ASCC1: variants seen among roughly 807,000 people sequenced by gnomAD.
ASCC1 encodes activating signal cointegrator 1 complex subunit 1, also known as ASC-1 complex subunit P50.
In ASCC1, 35 loss-of-function variants were observed where a neutral mutation model predicts 46.6. The observed-to-expected ratio is 0.75, with a 90% CI of 0.57 to 0.99. ASCC1 has a LOEUF of 0.99. Among genes scored for constraint, ASCC1 ranks in the 50% least tolerant of loss-of-function variants. The pLI is 0.00. For missense variants in ASCC1, 376 were observed against 428.7 expected (o/e 0.88, Z 1.09); for synonymous variants, 143 against 146.6 (o/e 0.98, Z 0.18).
At chr10:72,168,605 T>C (rs1195185180) in intron 5 of ASCC1, among the ~76,000 whole-genome samples, 2 of 152,236 alleles carry the variant, frequency 1.3e-5, no homozygotes, top group African/African-American at 4.8e-5. Context: ...CAAATTCATA[T>C]GCTGAAGCCC....
intron 6 of ASCC1, 71 bp downstream of exon 6, chr10:72,161,467 A>T: frequency 1.3e-6 from 2 of 1,598,262 alleles, no homozygotes; most frequent in Non-Finnish European, 1.7e-6. Context: ...TGGTTCAAAA[A>T]CAAGTCTGTA....
At chr10:72,172,849 A>ATTTTTATATTATATATATTATATATT (rs1851356273) in intron 5 of ASCC1, among the ~76,000 whole-genome samples, 1 of 127,948 alleles carries the variant, frequency 7.8e-6, no homozygotes, top group East Asian at 2.1e-4. Flanking sequence ...TATTATATAT[A>ATTTTTATATTATATATATTATATATT]ATATTTTTAT....
At chr10:72,168,826 G>A (rs1209065326) in intron 5 of ASCC1, among the ~76,000 whole-genome samples, 1 of 152,190 alleles carries the variant, frequency 6.6e-6, no homozygotes, top group Non-Finnish European at 1.5e-5. Flanking sequence ...CCAGGAAGAG[G>A]CTATAGCAGA....
chr10:72,112,738 G>A (rs1204584431), intron 9 of ASCC1, among the ~76,000 whole-genome samples: 1 of 151,824 alleles, frequency 6.6e-6, no homozygotes, highest in East Asian at 1.9e-4. Context: ...AATTTGCCAG[G>A]CATGGTGGCA....
intron 9 of ASCC1, among the ~76,000 whole-genome samples, chr10:72,112,816 C>T (rs11818980): frequency 0.58 from 84,365 of 146,090 alleles, 26,586 homozygotes; most frequent in African/African-American, 0.86. Context: ...GTGGTGGAGG[C>T]TGCAGTGAGC....
At chr10:72,107,850 G>T (rs1465696300) in intron 9 of ASCC1, among the ~76,000 whole-genome samples, 1 of 152,170 alleles carries the variant, frequency 6.6e-6, no homozygotes, top group Non-Finnish European at 1.5e-5. Context: ...AACCTGGGCA[G>T]CTGTAACTGT....
chr10:72,129,116 G>C (rs894525894), intron 8 of ASCC1, among the ~76,000 whole-genome samples: 3 of 152,194 alleles, frequency 2.0e-5, no homozygotes, highest in Non-Finnish European at 1.5e-5. Flanking sequence ...ATACATTTCA[G>C]CTAGCCCACT....
At chr10:72,126,970 T>C (rs139474680) in intron 9 of ASCC1, among the ~76,000 whole-genome samples, 10 of 152,312 alleles carry the variant, frequency 6.6e-5, no homozygotes, top group African/African-American at 1.7e-4. Context: ...CACTGCCCTA[T>C]TGGGCTCCAT....
At chr10:72,138,171 T>C (rs569508708) in intron 7 of ASCC1, among the ~76,000 whole-genome samples, 1 of 152,308 alleles carries the variant, frequency 6.6e-6, no homozygotes, top group Admixed American at 6.5e-5. Context: ...GGCTGAACCA[T>C]ATATTTCTAA....
At chr10:72,137,527 CAAAAAAA>C (rs397956947) in intron 7 of ASCC1, among the ~76,000 whole-genome samples, 24 of 76,118 alleles carry the variant, frequency 3.2e-4, no homozygotes, top group African/African-American at 1.0e-3. Context: ...GACTCCATCT[CAAAAAAA>C]AAAAAAAAAA....
chr10:72,176,721 G>A (rs1272937579), intron 5 of ASCC1, among the ~76,000 whole-genome samples: 2 of 152,088 alleles, frequency 1.3e-5, no homozygotes, highest in African/African-American at 4.8e-5. Flanking sequence ...CAACTTGGGT[G>A]CCATGTCATT....
intron 7 of ASCC1, among the ~76,000 whole-genome samples, chr10:72,141,036 T>TAGATAGATAG (rs1773095836): frequency 6.9e-6 from 1 of 144,172 alleles, no homozygotes; most frequent in Non-Finnish European, 1.5e-5. Flanking sequence ...TCAAATTGTT[T>TAGATAGATAG]ATAGATAGAT....
At chr10:72,154,493 G>GTT (rs375316111) in intron 6 of ASCC1, among the ~76,000 whole-genome samples, 36 of 139,864 alleles carry the variant, frequency 2.6e-4, no homozygotes, top group African/African-American at 3.9e-4. Flanking sequence ...TATGCATAGG[G>GTT]TTTTTTTTTT....
In ASCC1 at chr10:72,161,564, T is replaced by C. The variant is rs780807738; in HGVS notation, c.600A>G (p.Leu200=). The change falls in exon 6 of 10, where the codon CTA becomes CTG. Residue 200 remains leucine (L), a synonymous_variant. Coordinates refer to ENST00000672957, the MANE Select transcript of ASCC1 (RefSeq NM_001198800.3). The part of the protein sequence containing the change: ...EEEIQQTCEM[L]QQCKEEFIND... ...TAATGAATTCCTCTTTACACTGCTG[T>C]AGCATCTCACATGTCTGCTGGATCT... 1 of 1,614,230 alleles carries C rather than the reference T, an allele frequency of 6.2e-7. No individual in the cohort carries two copies. Among genetic ancestry groups the C allele is most frequent in the East Asian group, 2.2e-5 (1 of 44,878 alleles).
At chr10:72,169,984 G>T (rs1850856052) in intron 5 of ASCC1, among the ~76,000 whole-genome samples, 1 of 152,152 alleles carries the variant, frequency 6.6e-6, no homozygotes, top group South Asian at 2.1e-4. Flanking sequence ...GCAGGGCATG[G>T]TATCACGTGC....
intron 9 of ASCC1, among the ~76,000 whole-genome samples, chr10:72,103,360 C>T (rs1381605973): frequency 6.6e-6 from 1 of 151,362 alleles, no homozygotes; most frequent in Non-Finnish European, 1.5e-5. Flanking sequence ...TCTCGATCTC[C>T]TGACCTCGTG....
At position 72,192,391 on chromosome 10, in the gene ASCC1, G is replaced by A. The variant is rs532803499; in HGVS notation, c.489+4420C>T. On this transcript the variant is annotated intron_variant, in intron 5 of 9. Coordinates refer to ENST00000672957, the MANE Select transcript of ASCC1 (RefSeq NM_001198800.3). ...AATCGCTTGAAGCCAGGAGGCGAAG[G>A]TTGCAGTGAGCCAAGATCGAGCCAT... is the stretch of plus-strand genomic sequence containing the variant. Among the ~76,000 whole-genome samples, 9 of 151,688 alleles carry A rather than the reference G, an allele frequency of 5.9e-5. 1 individual carries two copies. In the South Asian group the frequency reaches 1.9e-3, roughly 31 times the overall value.
chr10:72,168,575 A>T (rs1850667073), intron 5 of ASCC1, among the ~76,000 whole-genome samples: 1 of 152,382 alleles, frequency 6.6e-6, no homozygotes, highest in East Asian at 1.9e-4. Flanking sequence ...CCAATGCTCT[A>T]GACTGAATTG....
At chr10:72,209,744 A>G (rs889316130) in intron 3 of ASCC1, among the ~76,000 whole-genome samples, 1 of 152,218 alleles carries the variant, frequency 6.6e-6, no homozygotes, top group Admixed American at 6.5e-5. Flanking sequence ...AGATCGTCCC[A>G]TTGCACTCCT....
Sources: allele counts gnomAD v4.1 joint callset (sites outside exome capture counted in the v4.1 genomes callset), GRCh38; gene constraint gnomAD v4.1.1; transcripts MANE v1.5; gene names NCBI Gene and HGNC (gene_info 2026-07-23, HGNC 2026-07-21).